MAK: variants seen among roughly 807,000 people sequenced by gnomAD.
The protein encoded by MAK is male germ cell associated kinase, also known as serine/threonine-protein kinase MAK.
Under a neutral mutation model 82.6 loss-of-function variants are expected in MAK, and 65 were observed. That is an observed-to-expected ratio of 0.79 (90% CI 0.64 to 0.97). The LOEUF is 0.97. Ranked by LOEUF, MAK falls within the 50% of genes least tolerant of loss-of-function variation. MAK has a pLI of 0.00. For synonymous variants in MAK, 250 were observed against 274.2 expected, an observed-to-expected ratio of 0.91 and a Z score of 0.87; for missense variants, 703 against 780.2, an observed-to-expected ratio of 0.90 and a Z score of 1.18.
chr6:10,782,743 A>G (rs1313349495), intron 11 of MAK, among the ~76,000 whole-genome samples: 1 of 151,792 alleles, frequency 6.6e-6, no homozygotes, highest in East Asian at 1.9e-4. Context: ...ACGTCCAGCT[A>G]ATTTTTATAT....
At position 10,775,405 on chromosome 6, in the gene MAK, TG is replaced by T; in HGVS notation, c.1519del (p.His507ThrfsTer30). On this transcript the variant is annotated frameshift_variant, in exon 12 of 15. Coordinates refer to ENST00000354489, the MANE Select transcript of MAK (RefSeq NM_001242957.3). LOFTEE classifies it high-confidence loss of function. ...LIASGKEINPHTWSNQLFPKS... is the reference protein window; with the variant it reads ...LIASGKEINPXTWSNQLFPKS... Reference sequence around the variant, plus strand: ...GGGGAATAACTGGTTGCTCCAAGTGTGGGGGTTTATTTCCTTTCCACTGGCT... The same window carrying T: ...GGGGAATAACTGGTTGCTCCAAGTGTGGGGTTTATTTCCTTTCCACTGGCT... 1 of 1,613,964 alleles carries T rather than the reference TG, an allele frequency of 6.2e-7. No individual in the cohort carries two copies. The highest frequency in any genetic ancestry group is 8.5e-7 in the Non-Finnish European group (1 of 1,179,888).
intron 1 of MAK, among the ~76,000 whole-genome samples, chr6:10,834,059 G>A (rs1280536832): frequency 5.9e-5 from 9 of 152,060 alleles, no homozygotes; most frequent in South Asian, 2.1e-4. Flanking sequence ...TTTGTACTAC[G>A]TTAAACAAAA....
At chr6:10,812,936 T>C (rs143775440) in intron 5 of MAK, among the ~76,000 whole-genome samples, 8,881 of 143,684 alleles carry the variant, frequency 0.062, 840 homozygotes, top group African/African-American at 0.21. Context: ...GCTAATTTTT[T>C]ACATTTTTAG....
At chr6:10,808,280 C>A (rs1458631358) in intron 6 of MAK, among the ~76,000 whole-genome samples, 1 of 152,264 alleles carries the variant, frequency 6.6e-6, no homozygotes, top group South Asian at 2.1e-4. Flanking sequence ...GTCTAAGATT[C>A]GTCCACATTG....
rs148368052 is a variant in MAK at position 10,782,682 on chromosome 6, A to G, written c.1465+1742T>C. Among the ~76,000 whole-genome samples, 576 of 150,886 alleles carry G rather than the reference A, an allele frequency of 3.8e-3. 3 individuals are homozygous for G. The highest frequency in any genetic ancestry group is 0.013 in the African/African-American group (552 of 40,976). On this transcript the variant is annotated intron_variant, in intron 11 of 14. Transcript: ENST00000354489. ...CAACCTCCACCTCCTGGGTCAAGCA[A>G]TTCTCCTGCCTCAGCCTCCCGAGTA...
chr6:10,774,332 T>G (rs1277201620), intron 12 of MAK, among the ~76,000 whole-genome samples: 1 of 152,176 alleles, frequency 6.6e-6, no homozygotes, highest in Non-Finnish European at 1.5e-5. Context: ...ACACGAAAAT[T>G]AAGTTTTTTG....
chr6:10,780,437 T>C (rs1354439962), intron 11 of MAK, among the ~76,000 whole-genome samples: 1 of 149,452 alleles, frequency 6.7e-6, no homozygotes, highest in Non-Finnish European at 1.5e-5. Flanking sequence ...AATATTTCAG[T>C]CAGTGAAATG....
chr6:10,766,901 C>T (rs1176871623), intron 14 of MAK, among the ~76,000 whole-genome samples: 1 of 147,928 alleles, frequency 6.8e-6, no homozygotes, highest in African/African-American at 2.7e-5. Context: ...TTTTGTAAAA[C>T]TTTTTCAAGA....
intron 1 of MAK, among the ~76,000 whole-genome samples, chr6:10,833,792 C>G (rs974049959): frequency 5.9e-5 from 9 of 151,974 alleles, no homozygotes; most frequent in Admixed American, 3.9e-4. Context: ...GGGTTTCTTC[C>G]TTTTTGTCAG....
chr6:10,766,933 G>C (rs749042184), intron 14 of MAK, among the ~76,000 whole-genome samples: 8 of 152,278 alleles, frequency 5.3e-5, no homozygotes, highest in Non-Finnish European at 1.2e-4. Context: ...TGCTAAGAAG[G>C]GGGTAGTGTT....
At chr6:10,834,883 C>T (rs530415449) in intron 1 of MAK, among the ~76,000 whole-genome samples, 12 of 152,148 alleles carry the variant, frequency 7.9e-5, no homozygotes, top group Non-Finnish European at 4.4e-5. Context: ...TGCACTCAGA[C>T]ACAGGTATCC....
intron 2 of MAK, among the ~76,000 whole-genome samples, chr6:10,821,373 T>A (rs1304325464): frequency 6.6e-6 from 1 of 152,186 alleles, no homozygotes; most frequent in African/African-American, 2.4e-5. Flanking sequence ...TCTCCCAGGT[T>A]CAAGCGATTC....
chr6:10,834,779 A>AATT (rs151044006), intron 1 of MAK, among the ~76,000 whole-genome samples: 2,645 of 151,678 alleles, frequency 0.017, 68 homozygotes, highest in African/African-American at 0.057. Context: ...CTCTCATGAA[A>AATT]ATTATTATTA....
rs150765842 is a variant in MAK at position 10,785,729 on chromosome 6, G to A, written c.1317-1157C>T. Among the ~76,000 whole-genome samples, 219 of 152,294 alleles carry A rather than the reference G, an allele frequency of 1.4e-3. 1 individual carries two copies. Among genetic ancestry groups the A allele is most frequent in the African/African-American group, 3.6e-3 (149 of 41,554 alleles). On this transcript the variant is annotated intron_variant, in intron 10 of 14. Transcript: ENST00000354489. The stretch of plus-strand genomic sequence containing the variant: ...TTCTGTCCTCATCAGAGGGATCTCT[G>A]CCCATAGACAGAACTCCCAGAGCTC...
At position 10,803,726 on chromosome 6, in the gene MAK, G is replaced by C. The variant is rs1776191712; in HGVS notation, c.657C>G (p.Pro219=). The C allele has an allele frequency of 6.2e-6, 10 of 1,612,994 alleles. No homozygotes were observed. The highest frequency in any genetic ancestry group is 8.5e-6 in the Non-Finnish European group (10 of 1,179,444). The part of the protein sequence containing the change: ...IFKICQVLGT[P]KKSDWPEGYQ... The stretch of plus-strand genomic sequence containing the variant: ...TAGGGACAAGAGTACTTACTTTTTT[G>C]GGAGTCCCTAAAACTTGGCAAATTT... The change falls in exon 7 of 15, where the codon CCC becomes CCG. Residue 219 remains proline (P), a synonymous_variant. Transcript: ENST00000354489.
chr6:10,766,853 C>A (rs1021512767), intron 14 of MAK, among the ~76,000 whole-genome samples: 1 of 149,006 alleles, frequency 6.7e-6, no homozygotes, highest in Non-Finnish European at 1.5e-5. Context: ...TCACCTAAGT[C>A]CTAAATGGTT....
intron 2 of MAK, among the ~76,000 whole-genome samples, chr6:10,829,639 G>A (rs1778624334): frequency 6.6e-6 from 1 of 152,222 alleles, no homozygotes; most frequent in Non-Finnish European, 1.5e-5. Flanking sequence ...TGTAGTTTTG[G>A]TCCAAATGTA....
chr6:10,834,183 T>A (rs761669210), intron 1 of MAK, among the ~76,000 whole-genome samples: 7 of 152,214 alleles, frequency 4.6e-5, no homozygotes, highest in Non-Finnish European at 8.8e-5. Flanking sequence ...CTATTTAAGG[T>A]GACATATATC....
intron 11 of MAK, among the ~76,000 whole-genome samples, chr6:10,778,903 G>C (rs1159043927): frequency 6.6e-6 from 1 of 151,864 alleles, no homozygotes; most frequent in African/African-American, 2.4e-5. Flanking sequence ...TGAGGTGGGC[G>C]GATCACTTGA....
Sources: gnomAD v4.1 joint callset for allele counts (sites outside exome capture counted in the v4.1 genomes callset) on GRCh38, gnomAD v4.1.1 for gene constraint, MANE v1.5 for transcripts, NCBI Gene and HGNC (gene_info 2026-07-23, HGNC 2026-07-21) for gene names.